The following ZPBP variants were observed in gnomAD, a reference collection of about 807,000 sequenced individuals.
The protein encoded by ZPBP is zona pellucida binding protein, also known as zona pellucida-binding protein 1.
In ZPBP, 26 loss-of-function variants were observed where a neutral mutation model predicts 44.8. The ratio of observed to expected loss-of-function variants is 0.58; its 90% CI spans 0.43 to 0.81. The LOEUF (loss-of-function observed/expected upper bound fraction) is 0.81, where lower values mean the gene tolerates loss of function less well. Among genes scored for constraint, ZPBP ranks in the 30% least tolerant of loss-of-function variants. The pLI is 0.00. For synonymous variants in ZPBP, 174 were observed against 153.2 expected (o/e 1.14, Z -1.00); for missense variants, 409 against 434.0 (o/e 0.94, Z 0.51).
At chr7:50,018,204 C>CTT in intron 6 of ZPBP, 36 bp downstream of exon 6, 2 of 1,525,794 alleles carry the variant, frequency 1.3e-6, no homozygotes, top group Non-Finnish European at 1.8e-6. Flanking sequence ...GTTCATTTAA[C>CTT]TTTTTTTTTC....
At chr7:49,890,373 CAG>C (rs1792076419) in intron 2 of ZPBP, among the ~76,000 whole-genome samples, 1 of 152,114 alleles carries the variant, frequency 6.6e-6, no homozygotes, top group Non-Finnish European at 1.5e-5. Flanking sequence ...TGTTCAAAAA[CAG>C]GGATTTACAA....
At chr7:49,948,007 C>T (rs1367954915) in intron 7 of ZPBP, among the ~76,000 whole-genome samples, 2 of 152,232 alleles carry the variant, frequency 1.3e-5, no homozygotes, top group Non-Finnish European at 2.9e-5. Context: ...TATTGCCTGG[C>T]TACCACCAAT....
chr7:50,022,733 G>A (rs1799154772), intron 5 of ZPBP, among the ~76,000 whole-genome samples: 1 of 152,116 alleles, frequency 6.6e-6, no homozygotes, highest in Admixed American at 6.6e-5. Flanking sequence ...TGAGGTCACT[G>A]GGAAAACTGC....
chr7:49,930,909 T>A (rs986748732), intron 1 of ZPBP, among the ~76,000 whole-genome samples: 2 of 152,206 alleles, frequency 1.3e-5, no homozygotes, highest in African/African-American at 4.8e-5. Context: ...ATTGTAATAT[T>A]CCCCACATGT....
rs187524715 is a variant in ZPBP, at chr7:49,977,722, C to G, written c.961+5620G>C. 5.1e-4 allele frequency among the ~76,000 whole-genome samples: 77 copies of G among 152,310 alleles called. No individual in the cohort carries two copies. The East Asian group carries it at 0.011, about 22-fold the overall frequency. On this transcript the variant is annotated intron_variant, in intron 7 of 7. Coordinates refer to ENST00000046087, the MANE Select transcript of ZPBP (RefSeq NM_007009.3). ...TTGTCTAATTTATTATTGAGCTACA[C>G]ATTTAATCCATAATAATCAGTGGCA... is the stretch of plus-strand genomic sequence containing the variant.
chr7:50,078,373 T>C (rs1400675873), intron 3 of ZPBP, among the ~76,000 whole-genome samples: 1 of 151,530 alleles, frequency 6.6e-6, no homozygotes, highest in East Asian at 1.9e-4. Flanking sequence ...TAATTGCATA[T>C]ATTAAAATAA....
At chr7:50,086,854 T>C (rs532442219) in intron 2 of ZPBP, among the ~76,000 whole-genome samples, 54 of 152,146 alleles carry the variant, frequency 3.5e-4, no homozygotes, top group Non-Finnish European at 5.4e-4. Context: ...ACTCCAATTA[T>C]GATAAACTTA....
intron 6 of ZPBP, among the ~76,000 whole-genome samples, chr7:49,986,524 C>T (rs1282526814): frequency 2.6e-5 from 4 of 152,208 alleles, no homozygotes; most frequent in Non-Finnish European, 5.9e-5. Context: ...AGCTCTGTTC[C>T]AGCCCCAGGG....
At chr7:50,082,029 T>C in intron 2 of ZPBP, 130 bp from the exon 3 acceptor site, 3 of 1,015,870 alleles carry the variant, frequency 3.0e-6, no homozygotes, top group South Asian at 3.0e-5. Flanking sequence ...TATTACTTGA[T>C]AAAAACTAAA....
chr7:50,066,901 G>A (rs1801532358), intron 3 of ZPBP, among the ~76,000 whole-genome samples: 1 of 152,114 alleles, frequency 6.6e-6, no homozygotes, highest in African/African-American at 2.4e-5. Flanking sequence ...GGTCTTGTTG[G>A]CTAATCCACT....
chr7:49,933,182 C>A (rs184570394), downstream of ZPBP, among the ~76,000 whole-genome samples: 41 of 152,198 alleles, frequency 2.7e-4, no homozygotes, highest in African/African-American at 9.9e-4. Context: ...GGAAAATACT[C>A]ACTACATATG....
At chr7:50,032,963 G>A (rs1799668585) in intron 4 of ZPBP, among the ~76,000 whole-genome samples, 1 of 152,084 alleles carries the variant, frequency 6.6e-6, no homozygotes, top group African/African-American at 2.4e-5. Flanking sequence ...TTTAAAAACT[G>A]GACTCATAAA....
At chr7:50,065,247 C>T (rs150163070) in intron 3 of ZPBP, among the ~76,000 whole-genome samples, 1 of 138,806 alleles carries the variant, frequency 7.2e-6, no homozygotes, top group East Asian at 1.9e-4. Context: ...AACACACATG[C>T]CCTCATCCAT....
intron 6 of ZPBP, among the ~76,000 whole-genome samples, chr7:50,014,257 C>T (rs1798714287): frequency 6.6e-6 from 1 of 151,918 alleles, no homozygotes; most frequent in South Asian, 2.1e-4. Context: ...GACATACAGG[C>T]TGATTCTAAA....
chr7:49,853,421 C>T (rs148481355), intron 2 of ZPBP, among the ~76,000 whole-genome samples: 4 of 152,312 alleles, frequency 2.6e-5, no homozygotes, highest in African/African-American at 9.6e-5. Flanking sequence ...CTGTTCTGTG[C>T]CAGGAGCTCT....
intron 2 of ZPBP, among the ~76,000 whole-genome samples, chr7:49,865,505 G>A (rs529774536): frequency 6.6e-6 from 1 of 152,306 alleles, no homozygotes; most frequent in South Asian, 2.1e-4. Context: ...CTGGGCTGGT[G>A]TGGTCTCTGG....
intron 3 of ZPBP, among the ~76,000 whole-genome samples, chr7:50,067,911 T>C (rs1801609048): frequency 1.3e-5 from 2 of 152,228 alleles, no homozygotes. Context: ...AGCAGGGCAG[T>C]TGTCCTTCTA....
chr7:49,919,060 A>T (rs1038401584), intron 1 of ZPBP: 2 of 151,706 alleles, frequency 1.3e-5, no homozygotes, highest in Non-Finnish European at 2.9e-5. Flanking sequence ...GTTTAAAAAA[A>T]AAAAAAAAAT....
downstream of ZPBP, among the ~76,000 whole-genome samples, chr7:49,935,421 CGG>C (rs1354797517): frequency 6.6e-6 from 1 of 151,894 alleles, no homozygotes; most frequent in Non-Finnish European, 1.5e-5. Context: ...TTTTTTGAGA[CGG>C]AGTTTCACTC....
Sources: gnomAD v4.1 joint callset for allele counts (sites outside exome capture counted in the v4.1 genomes callset) on GRCh38, gnomAD v4.1.1 for gene constraint, MANE v1.5 for transcripts, NCBI Gene and HGNC (gene_info 2026-07-23, HGNC 2026-07-21) for gene names.